Variants in ZNF385B observed in about 807,000 individuals in gnomAD.
ZNF385B encodes the protein zinc finger protein 533.
Under a neutral mutation model 39.2 loss-of-function variants are expected in ZNF385B, and 23 were observed. That is an observed-to-expected ratio of 0.59 (90% CI 0.42 to 0.83). The LOEUF (loss-of-function observed/expected upper bound fraction) is 0.83. ZNF385B is among the 40% of genes least tolerant of loss of function. The pLI is 0.00. For missense variants in ZNF385B, 552 were observed against 598.9 expected, an observed-to-expected ratio of 0.92 and a Z score of 0.82; for synonymous variants, 205 against 222.6, an observed-to-expected ratio of 0.92 and a Z score of 0.70.
chr2:179,814,636 T>C, intron 1 of ZNF385B: 1 of 463,470 alleles, frequency 2.2e-6, no homozygotes, highest in Non-Finnish European at 4.0e-6. Flanking sequence ...GGCGACCTGG[T>C]CTTGTCCCCA....
Position 179,662,352 on chromosome 2 carries a change from T to C in ZNF385B, c.298+107151A>G, listed in dbSNP as rs375905220. 8.1e-5 allele frequency among the ~76,000 whole-genome samples: 12 copies of C among 148,276 alleles called. No individual in the cohort carries two copies. The South Asian group carries it at 1.1e-3, about 13-fold the overall frequency. Reference sequence around the variant, plus strand: ...TTTTAAACGTCTGTGTTATAGTTTATGGGTAATTTTTTTTTTTTTTTTTTG... The same window carrying C: ...TTTTAAACGTCTGTGTTATAGTTTACGGGTAATTTTTTTTTTTTTTTTTTG... On this transcript the variant is annotated intron_variant, in intron 3 of 9. Transcript: ENST00000410066.
At position 179,861,420 on chromosome 2, in the gene ZNF385B, A is replaced by G. The variant is rs1312080710; in HGVS notation, c.-474T>C. On this transcript the variant is annotated 5_prime_UTR_variant, in exon 1 of 10. Transcript: ENST00000410066. ...GCCCAGGTGAGGGGCGTGTGCCCGG[A>G]GCCCGCTGGGCGCGCCCGGCCCGGC... 3 of 150,240 alleles carry G rather than the reference A, an allele frequency of 2.0e-5. No homozygotes were observed. The highest frequency in any genetic ancestry group is 7.3e-5 in the African/African-American group (3 of 41,036). The allele number at this position is 150,240 out of a possible 1,614,324, so 9.3% of individuals were successfully genotyped here. A position where few individuals can be genotyped will look rare whatever the true frequency, so the allele number is the denominator to read the frequency against.
chr2:179,602,817 A>G (rs1688511730), intron 3 of ZNF385B, among the ~76,000 whole-genome samples: 2 of 152,176 alleles, frequency 1.3e-5, no homozygotes, highest in Admixed American at 1.3e-4. Context: ...TTGACACGGG[A>G]ACAAACATTA....
intron 3 of ZNF385B, among the ~76,000 whole-genome samples, chr2:179,582,543 C>T (rs890333154): frequency 6.6e-6 from 1 of 152,086 alleles, no homozygotes; most frequent in African/African-American, 2.4e-5. Flanking sequence ...CCGGTATTAT[C>T]CTTAGGTACT....
chr2:179,777,390 C>G (rs552685504), intron 1 of ZNF385B, among the ~76,000 whole-genome samples: 7 of 152,076 alleles, frequency 4.6e-5, no homozygotes, highest in African/African-American at 1.4e-4. Flanking sequence ...AAAACAATTA[C>G]AAAAATTCTT....
intron 3 of ZNF385B, among the ~76,000 whole-genome samples, chr2:179,622,985 T>G (rs761354263): frequency 1.3e-5 from 2 of 152,222 alleles, no homozygotes; most frequent in African/African-American, 2.4e-5. Context: ...TAGATTCATT[T>G]TCAATTATGC....
chr2:179,742,784 T>C (rs575889386), intron 3 of ZNF385B, among the ~76,000 whole-genome samples: 3 of 152,232 alleles, frequency 2.0e-5, no homozygotes, highest in East Asian at 1.9e-4. Context: ...TACTTTCATT[T>C]TGCAATCATG....
chr2:179,560,059 T>C (rs1255831416), intron 3 of ZNF385B, among the ~76,000 whole-genome samples: 1 of 152,174 alleles, frequency 6.6e-6, no homozygotes, highest in Non-Finnish European at 1.5e-5. Flanking sequence ...ACGTAATGTC[T>C]TCCAGTCTCA....
At chr2:179,482,015 C>G (rs1198503346) in intron 6 of ZNF385B, among the ~76,000 whole-genome samples, 1 of 152,170 alleles carries the variant, frequency 6.6e-6, no homozygotes, top group Non-Finnish European at 1.5e-5. Flanking sequence ...ATGACTATAT[C>G]TGTTCATCAG....
chr2:179,607,908 CTTTTTTTTTT>C (rs71029822), intron 3 of ZNF385B, among the ~76,000 whole-genome samples: 1 of 97,452 alleles, frequency 1.0e-5, no homozygotes, highest in African/African-American at 4.4e-5. Context: ...CTCAGAAACT[CTTTTTTTTTT>C]TTTTTTTTTT....
intron 5 of ZNF385B, among the ~76,000 whole-genome samples, chr2:179,488,689 C>T (rs2054879455): frequency 6.6e-6 from 1 of 151,936 alleles, no homozygotes; most frequent in Non-Finnish European, 1.5e-5. Context: ...ATAATTAAAA[C>T]TACTGGCATC....
intron 3 of ZNF385B, among the ~76,000 whole-genome samples, chr2:179,603,560 G>A (rs1688570556): frequency 6.6e-6 from 1 of 152,180 alleles, no homozygotes; most frequent in Non-Finnish European, 1.5e-5. Flanking sequence ...TCATGGTGGA[G>A]ACTGGCATAA....
intron 3 of ZNF385B, among the ~76,000 whole-genome samples, chr2:179,761,048 A>AGTAT (rs1160949083): frequency 3.3e-5 from 5 of 152,070 alleles, no homozygotes; most frequent in African/African-American, 1.2e-4. Flanking sequence ...AAATCAATTG[A>AGTAT]GTATGTGTGT....
chr2:179,496,443 A>G (rs1007143498), intron 5 of ZNF385B, among the ~76,000 whole-genome samples: 1 of 152,218 alleles, frequency 6.6e-6, no homozygotes, highest in Non-Finnish European at 1.5e-5. Flanking sequence ...ACATAATAGC[A>G]GAGAACTTCC....
At chr2:179,678,495 G>A (rs1697164903) in intron 3 of ZNF385B, among the ~76,000 whole-genome samples, 1 of 152,146 alleles carries the variant, frequency 6.6e-6, no homozygotes, top group South Asian at 2.1e-4. Flanking sequence ...GTAATTACTG[G>A]TGCCTGAGAA....
At chr2:179,623,738 A>G (rs920440824) in intron 3 of ZNF385B, among the ~76,000 whole-genome samples, 43 of 152,102 alleles carry the variant, frequency 2.8e-4, no homozygotes, top group African/African-American at 9.4e-4. Context: ...GCTTTCTCCA[A>G]TGTCCTGAAC....
chr2:179,816,304 T>C (rs1707062776), intron 1 of ZNF385B, among the ~76,000 whole-genome samples: 1 of 152,176 alleles, frequency 6.6e-6, no homozygotes, highest in Admixed American at 6.5e-5. Context: ...CTCTCCACTT[T>C]CATTCTAGTT....
At chr2:179,472,573 A>G (rs2052895856) in intron 6 of ZNF385B, among the ~76,000 whole-genome samples, 2 of 152,244 alleles carry the variant, frequency 1.3e-5, no homozygotes, top group South Asian at 4.1e-4. Context: ...CAAAGGAAAC[A>G]AGCATGTATT....
At chr2:179,581,935 A>G (rs954684393) in intron 3 of ZNF385B, among the ~76,000 whole-genome samples, 3 of 152,188 alleles carry the variant, frequency 2.0e-5, no homozygotes, top group Admixed American at 6.5e-5. Flanking sequence ...TTGTTAGGTG[A>G]GACAGAAACA....
Sources: allele counts gnomAD v4.1 joint callset (sites outside exome capture counted in the v4.1 genomes callset), GRCh38; gene constraint gnomAD v4.1.1; transcripts MANE v1.5; gene names NCBI Gene and HGNC (gene_info 2026-07-23, HGNC 2026-07-21).